Variants in TANC2 observed in about 807,000 individuals in gnomAD.
TANC2 encodes tetratricopeptide repeat, ankyrin repeat and coiled-coil containing 2.
Under a neutral mutation model 210.5 loss-of-function variants are expected in TANC2, and 26 were observed. The observed-to-expected ratio is 0.12, with a 90% confidence interval of 0.09 to 0.17. The LOEUF is 0.17. TANC2 is among the 10% of genes least tolerant of loss of function. TANC2 has a pLI of 1.00. For synonymous variants in TANC2, 931 were observed against 967.1 expected (o/e 0.96, Z 0.69); for missense variants, 2,129 against 2,608.9 (o/e 0.82, Z 4.01).
intron 2 of TANC2, among the ~76,000 whole-genome samples, chr17:63,045,768 T>C (rs1427008977): frequency 2.0e-5 from 3 of 152,122 alleles, no homozygotes; most frequent in Non-Finnish European, 2.9e-5. Context: ...TTCTGGGTTC[T>C]TTTATTCAGT....
At position 62,966,242 on chromosome 17, in the gene TANC2, C is replaced by T. The variant is rs1475650406; in HGVS notation, c.-531C>T. On this transcript the variant is annotated 5_prime_UTR_variant, in exon 1 of 28. Coordinates refer to ENST00000689528, the Ensembl canonical transcript of TANC2. This position sits in a 1 kb window ranked among gnomAD's most constrained non-coding sequence, Gnocchi z 5.1. ...CGACGCCCCCAGCGCGGCGGCGGCG[C>T]TAGCGAGCGGCCGGCGGGGCGCGGG... is the stretch of plus-strand genomic sequence containing the variant. 4.8e-5 allele frequency among the ~76,000 whole-genome samples: 7 copies of T among 146,260 alleles called. No individual in the cohort carries two copies. The highest frequency in any genetic ancestry group is 1.1e-4 in the Non-Finnish European group (7 of 65,856).
intron 7 of TANC2, among the ~76,000 whole-genome samples, chr17:63,228,522 G>A (rs1164549554): frequency 6.6e-5 from 10 of 152,166 alleles, no homozygotes; most frequent in Non-Finnish European, 1.5e-4. Context: ...ACTTTGGGCA[G>A]TATGGCTATT....
At chr17:63,237,484 G>C (rs1899635) in intron 7 of TANC2, among the ~76,000 whole-genome samples, 18 of 152,150 alleles carry the variant, frequency 1.2e-4, no homozygotes, top group African/African-American at 3.9e-4. Flanking sequence ...GCATTTGCCT[G>C]TTTTTGTTTT....
At chr17:63,242,083 T>C (rs1416334859) in intron 8 of TANC2, among the ~76,000 whole-genome samples, 3 of 152,204 alleles carry the variant, frequency 2.0e-5, no homozygotes, top group African/African-American at 7.2e-5. Flanking sequence ...TCTCTTAATA[T>C]ATTCGTTCTC....
intron 1 of TANC2, among the ~76,000 whole-genome samples, chr17:62,994,123 T>G (rs1056119964): frequency 6.6e-6 from 1 of 152,182 alleles, no homozygotes; most frequent in Non-Finnish European, 1.5e-5. Context: ...TTTTTCTGCC[T>G]AATTGCCCTG....
At chr17:63,049,050 A>G (rs2035483126) in intron 2 of TANC2, among the ~76,000 whole-genome samples, 2 of 152,148 alleles carry the variant, frequency 1.3e-5, no homozygotes, top group African/African-American at 2.4e-5. Flanking sequence ...TCTTAATGGT[A>G]TTATAATCAA....
At chr17:63,355,542 TTAAC>T (rs1304249866) in intron 14 of TANC2, among the ~76,000 whole-genome samples, 152 bp downstream of exon 14, 2 of 152,082 alleles carry the variant, frequency 1.3e-5, no homozygotes, top group African/African-American at 4.8e-5. Flanking sequence ...TATAATGAGG[TTAAC>T]TAATTTATTG....
At chr17:63,411,309 G>A (rs1337726761) in intron 21 of TANC2, among the ~76,000 whole-genome samples, 1 of 152,198 alleles carries the variant, frequency 6.6e-6, no homozygotes, top group East Asian at 1.9e-4. Context: ...TCAGTAAAAC[G>A]ACTGGAATCT....
rs1275213226 is a variant in TANC2, at chr17:63,068,311, AT to A, written c.68-5630del. The stretch of plus-strand genomic sequence containing the variant: ...CAGAAATGAAAAAAACCTGAGTAGT[AT>A]TCGTGAGATTGTGAGGAAATGGGAA... On this transcript the variant is annotated intron_variant, in intron 2 of 27. Transcript: ENST00000689528. 3.3e-5 allele frequency among the ~76,000 whole-genome samples: 5 copies of A among 152,304 alleles called. No individual in the cohort carries two copies. In the East Asian group the frequency reaches 9.7e-4, roughly 29 times the overall value.
At chr17:63,090,549 A>G (rs544725163) in intron 3 of TANC2, among the ~76,000 whole-genome samples, 3 of 152,228 alleles carry the variant, frequency 2.0e-5, no homozygotes, top group South Asian at 2.1e-4. Context: ...ATCCTTTTTC[A>G]TGGCTGCATA....
intron 9 of TANC2, among the ~76,000 whole-genome samples, chr17:63,301,601 A>AT (rs1233788858): frequency 1.3e-5 from 2 of 152,088 alleles, no homozygotes; most frequent in Admixed American, 1.3e-4. Context: ...GATAGTTTAT[A>AT]TTTCTGTGGG....
Position 63,420,268 on chromosome 17 carries a change from C to A in TANC2, c.4538C>A (p.Thr1513Lys), listed in dbSNP as rs190686099. The change falls in exon 28 of 28, where the codon ACA (threonine) becomes AAA (lysine). Residue 1513 changes from threonine to lysine, a missense_variant. Transcript: ENST00000689528. This position sits in a 1 kb window ranked among gnomAD's most constrained non-coding sequence, Gnocchi z 4.2. ...GAAAATGTTTCCATTGGCCTCCAGA[C>A]AGAGGCCCGGCCCAGCCAGGGGCTC... 6.2e-7 allele frequency: 1 copy of A among 1,613,712 alleles called. No homozygotes were observed. The highest frequency in any genetic ancestry group is 8.5e-7 in the Non-Finnish European group (1 of 1,179,834).
intron 5 of TANC2, among the ~76,000 whole-genome samples, chr17:63,187,951 A>C (rs2041051272): frequency 6.6e-6 from 1 of 152,182 alleles, no homozygotes; most frequent in African/African-American, 2.4e-5. Flanking sequence ...TACCCTGAAA[A>C]ATACATATTT....
At chr17:63,205,123 T>A (rs942279163) in intron 7 of TANC2, among the ~76,000 whole-genome samples, 21 of 151,816 alleles carry the variant, frequency 1.4e-4, no homozygotes, top group African/African-American at 5.1e-4. Flanking sequence ...AGACCAGAAA[T>A]AAACTCTTGC....
At chr17:63,159,588 C>G (rs1224210565) in intron 5 of TANC2, among the ~76,000 whole-genome samples, 1 of 151,932 alleles carries the variant, frequency 6.6e-6, no homozygotes, top group African/African-American at 2.4e-5. Flanking sequence ...AATTCACACA[C>G]AAAAATAATA....
intron 9 of TANC2, among the ~76,000 whole-genome samples, chr17:63,309,273 A>AT (rs1258356473): frequency 1.3e-5 from 2 of 152,152 alleles, no homozygotes; most frequent in Non-Finnish European, 2.9e-5. Flanking sequence ...TCAAATTGGC[A>AT]TTTGCAAAAT....
chr17:63,200,731 G>A (rs1281148642), intron 6 of TANC2, 40 bp from the exon 7 acceptor site: 1 of 1,539,166 alleles, frequency 6.5e-7, no homozygotes, highest in African/African-American at 1.4e-5. Flanking sequence ...TTTAACAGCT[G>A]ATCAGGTTAT....
intron 4 of TANC2, among the ~76,000 whole-genome samples, chr17:63,103,536 G>A (rs916257965): frequency 6.6e-6 from 1 of 152,112 alleles, no homozygotes; most frequent in African/African-American, 2.4e-5. Flanking sequence ...GTCACGTCAC[G>A]ACTGTTTGCT....
chr17:63,091,963 T>C (rs912015586), intron 3 of TANC2, among the ~76,000 whole-genome samples: 2 of 152,208 alleles, frequency 1.3e-5, no homozygotes, highest in Non-Finnish European at 2.9e-5. Context: ...TATTTTATTC[T>C]CTTTGTAGCA....
Sources: allele counts gnomAD v4.1 joint callset (sites outside exome capture counted in the v4.1 genomes callset), GRCh38; gene constraint gnomAD v4.1.1; non-coding constraint Gnocchi (gnomAD v3.1); transcripts MANE v1.5; gene names NCBI Gene and HGNC (gene_info 2026-07-23, HGNC 2026-07-21).